The following KCNMA1 variants were observed in gnomAD, a reference collection of about 807,000 sequenced individuals.
The protein encoded by KCNMA1 is potassium calcium-activated channel subfamily M alpha 1, also known as Calcium-activated potassium channel subunit alpha-1.
KCNMA1 carries 29 observed loss-of-function variants against 140.0 expected under a neutral mutation model. The observed-to-expected ratio is 0.21, with a 90% CI of 0.15 to 0.28. KCNMA1 has a LOEUF of 0.28. Among genes scored for constraint, KCNMA1 ranks in the 10% least tolerant of loss-of-function variants. The pLI is 1.00. For missense variants in KCNMA1, 880 were observed against 1,602.2 expected, an observed-to-expected ratio of 0.55 and a Z score of 7.70; for synonymous variants, 612 against 611.9, an observed-to-expected ratio of 1.00 and a Z score of 0.00.
chr10:77,122,141 T>TG (rs2097617834), intron 5 of KCNMA1, among the ~76,000 whole-genome samples: 1 of 152,180 alleles, frequency 6.6e-6, no homozygotes. Context: ...GAAGGAATCC[T>TG]TACTACCTTC....
At chr10:77,529,762 T>C (rs917451606) in intron 1 of KCNMA1, among the ~76,000 whole-genome samples, 7 of 151,534 alleles carry the variant, frequency 4.6e-5, no homozygotes, top group Non-Finnish European at 1.0e-4. Flanking sequence ...AAGCAGAGAG[T>C]GACCAGGCCA....
chr10:77,058,592 TC>T (rs1338234846), intron 14 of KCNMA1, among the ~76,000 whole-genome samples: 1 of 151,826 alleles, frequency 6.6e-6, no homozygotes, highest in African/African-American at 2.4e-5. Flanking sequence ...AGACTACAAA[TC>T]AATAATAGAA....
In KCNMA1 at chr10:77,209,717, T is replaced by C. The variant is rs972533977; in HGVS notation, c.603-24801A>G. On this transcript the variant is annotated intron_variant, in intron 3 of 27. Coordinates refer to ENST00000286628, the MANE Select transcript of KCNMA1 (RefSeq NM_001161352.2). ...TAAGTGCAATCAGAAATGACACAGA[T>C]GACATTACAACTGATCCCACAGAAT... Among the ~76,000 whole-genome samples the C allele has an allele frequency of 2.0e-5, 3 of 152,050 alleles. No individual in the cohort carries two copies. In the South Asian group the frequency reaches 6.2e-4, roughly 32 times the overall value.
chr10:77,563,730 C>T (rs1379582207), intron 1 of KCNMA1, among the ~76,000 whole-genome samples: 1 of 152,244 alleles, frequency 6.6e-6, no homozygotes, highest in Non-Finnish European at 1.5e-5. Flanking sequence ...CTCTTGCCCT[C>T]TCATCCTCCC....
intron 14 of KCNMA1, among the ~76,000 whole-genome samples, chr10:77,043,959 A>C (rs72805505): frequency 0.059 from 9,027 of 152,344 alleles, 375 homozygotes; most frequent in Non-Finnish European, 0.09. Context: ...ACTGAACTAC[A>C]TGCTTAAAAA....
rs1418278133 is a variant in KCNMA1 at position 77,012,125 on chromosome 10, C to T, written c.2016-82G>A. 5.0e-6 allele frequency: 8 copies of T among 1,606,650 alleles called. No homozygotes were observed. The South Asian group carries it at 5.5e-5, about 11-fold the overall frequency. On this transcript the variant is annotated intron_variant, in intron 17 of 27. Transcript: ENST00000286628. ...GTACCACATTTCCTCCACGGTGGTG[C>T]CAAATTAATGAAACACGCCAGCATT... is the stretch of plus-strand genomic sequence containing the variant.
At position 77,042,567 on chromosome 10, in the gene KCNMA1, T is replaced by C. The variant is rs1276691840; in HGVS notation, c.1750-2930A>G. ...ATATGTGTTCTTTTATAATGTGTTG[T>C]TTATGGTCTAATTTAAATACAACAA... On this transcript the variant is annotated intron_variant, in intron 14 of 27. Coordinates refer to ENST00000286628, the MANE Select transcript of KCNMA1 (RefSeq NM_001161352.2). Among the ~76,000 whole-genome samples, 5 of 152,140 alleles carry C rather than the reference T, an allele frequency of 3.3e-5. No homozygotes were observed. The East Asian group carries it at 7.7e-4, about 23-fold the overall frequency.
At chr10:77,532,326 C>T (rs576228493) in intron 1 of KCNMA1, among the ~76,000 whole-genome samples, 2 of 152,272 alleles carry the variant, frequency 1.3e-5, no homozygotes, top group African/African-American at 2.4e-5. Flanking sequence ...CAATGATGTG[C>T]GCAAAAGGGA....
intron 1 of KCNMA1, 108 bp downstream of exon 1, chr10:77,637,157 G>A (rs912071557): frequency 2.3e-5 from 29 of 1,241,770 alleles, no homozygotes; most frequent in Non-Finnish European, 3.0e-5. Context: ...GAAGGCAGGC[G>A]GGGATGGAGG....
chr10:77,514,224 G>C (rs1470649808), intron 1 of KCNMA1, among the ~76,000 whole-genome samples: 1 of 152,218 alleles, frequency 6.6e-6, no homozygotes, highest in Non-Finnish European at 1.5e-5. Context: ...GTGAGCTGCT[G>C]CACCCACAGG....
intron 23 of KCNMA1, among the ~76,000 whole-genome samples, chr10:76,919,379 T>C (rs1564905855): frequency 6.6e-6 from 1 of 152,204 alleles, no homozygotes; most frequent in Non-Finnish European, 1.5e-5. Context: ...GTAAGTTTTC[T>C]CCCCACTCCA....
At chr10:77,325,462 C>T (rs2083819312) in intron 2 of KCNMA1, among the ~76,000 whole-genome samples, 1 of 152,202 alleles carries the variant, frequency 6.6e-6, no homozygotes, top group Non-Finnish European at 1.5e-5. Context: ...GGGCTTTGGG[C>T]TACAGCTTGG....
chr10:77,420,328 C>G (rs1362143374), intron 1 of KCNMA1, among the ~76,000 whole-genome samples: 4 of 152,248 alleles, frequency 2.6e-5, no homozygotes, highest in East Asian at 1.9e-4. Flanking sequence ...GTTAATAGAC[C>G]TGTCATTGTG....
In KCNMA1 at chr10:77,110,184, G is replaced by A. The variant is rs2097289404; in HGVS notation, c.1120C>T (p.Leu374Phe). ...AGATTTTTTTTTACCAGTCCCCCGAGGATGAAGAAGACCATGAAGAGGCGC... is the reference window on the plus strand; with the variant it reads ...AGATTTTTTTTTACCAGTCCCCCGAAGATGAAGAAGACCATGAAGAGGCGC... ...LGRLFMVFFI[L>F]GGLAMFASYV... is the part of the protein sequence containing the mutation. Residue 374 changes from leucine to phenylalanine, a missense_variant, in exon 8 of 28, where the codon CTC becomes TTC. Leu to Phe is a conservative substitution (Grantham distance 22). This residue lies in a region of KCNMA1 where 198 missense variants were observed against 580.1 expected (regional missense o/e 0.34). Coordinates refer to ENST00000286628, the MANE Select transcript of KCNMA1 (RefSeq NM_001161352.2). 1.2e-6 allele frequency: 2 copies of A among 1,613,726 alleles called. No homozygotes were observed.
At chr10:77,359,546 C>T (rs1362337004) in intron 2 of KCNMA1, among the ~76,000 whole-genome samples, 1 of 152,154 alleles carries the variant, frequency 6.6e-6, no homozygotes, top group East Asian at 1.9e-4. Context: ...CACACACCTG[C>T]TCCCCTAAAA....
intron 2 of KCNMA1, among the ~76,000 whole-genome samples, chr10:77,363,908 C>G (rs1340490559): frequency 6.6e-6 from 1 of 152,170 alleles, no homozygotes; most frequent in East Asian, 1.9e-4. Flanking sequence ...TTAAAATGGA[C>G]TTGTCAATAT....
chr10:76,981,148 A>G (rs566628835), intron 19 of KCNMA1, among the ~76,000 whole-genome samples: 8 of 152,240 alleles, frequency 5.3e-5, no homozygotes, highest in African/African-American at 1.4e-4. Context: ...GACATGGTGT[A>G]ATTCACATGG....
At chr10:77,174,876 T>C (rs1159524476) in intron 5 of KCNMA1, among the ~76,000 whole-genome samples, 2 of 152,154 alleles carry the variant, frequency 1.3e-5, no homozygotes, top group African/African-American at 2.4e-5. Context: ...CAGACACAAC[T>C]GAGAAACATT....
chr10:77,407,262 T>A (rs573687302), intron 1 of KCNMA1, among the ~76,000 whole-genome samples: 3 of 152,040 alleles, frequency 2.0e-5, no homozygotes, highest in African/African-American at 7.2e-5. Context: ...TAGCCACAGA[T>A]CTTGTGCCTG....
Sources: gnomAD v4.1 joint callset for allele counts (sites outside exome capture counted in the v4.1 genomes callset) on GRCh38, gnomAD v4.1.1 for gene constraint, gnomAD v4.1.1 regional missense constraint, MANE v1.5 for transcripts, NCBI Gene and HGNC (gene_info 2026-07-23, HGNC 2026-07-21) for gene names.